The following CCDC82 variants were observed in gnomAD, a reference collection of about 807,000 sequenced individuals.
CCDC82 encodes coiled-coil domain-containing protein 82.
CCDC82 carries 47 observed loss-of-function variants against 60.6 expected under a neutral mutation model. The observed-to-expected ratio is 0.77, with a 90% CI of 0.61 to 0.99. The LOEUF is 0.99. CCDC82 is among the 50% of genes least tolerant of loss of function. CCDC82 has a pLI of 0.00. For missense variants in CCDC82, 588 were observed against 633.0 expected (o/e 0.93, Z 0.76); for synonymous variants, 212 against 207.4 (o/e 1.02, Z -0.19).
chr11:96,355,677 TG>T (rs908753544), intron 9 of CCDC82: 1 of 152,020 alleles, frequency 6.6e-6, no homozygotes, highest in African/African-American at 2.4e-5. Context: ...GAGATTTAAA[TG>T]GTGTGGCTAG....
At chr11:96,373,041 T>G (rs1452960832) in intron 6 of CCDC82, among the ~76,000 whole-genome samples, 1 of 152,130 alleles carries the variant, frequency 6.6e-6, no homozygotes, top group Non-Finnish European at 1.5e-5. Context: ...CATGGAACTT[T>G]TAATGAAATT....
intron 7 of CCDC82, among the ~76,000 whole-genome samples, chr11:96,366,368 G>C (rs1864948302): frequency 6.6e-6 from 1 of 152,162 alleles, no homozygotes; most frequent in African/African-American, 2.4e-5. Context: ...CTGTGTCTCA[G>C]TTTTTCAGCT....
Position 96,353,292 on chromosome 11 carries a change from C to A in CCDC82, c.*354G>T. 1 of 176,400 alleles carries A rather than the reference C, an allele frequency of 5.7e-6. No homozygotes were observed. The highest frequency in any genetic ancestry group is 1.4e-4 in the South Asian group (1 of 7,338). The allele number at this position is 176,400 out of a possible 1,614,324, so 10.9% of individuals were successfully genotyped here. A position where few individuals can be genotyped will look rare whatever the true frequency, so the allele number is the denominator to read the frequency against. On this transcript the variant is annotated 3_prime_UTR_variant, in exon 10 of 10. Transcript: ENST00000646818. ...TCTGGACAGGAATTCCGTAAAAATA[C>A]ATGTAGACGTTAGTCTAAATACATT...
intron 3 of CCDC82, chr11:96,385,042 A>T (rs758252973): frequency 2.2e-4 from 50 of 231,370 alleles, no homozygotes; most frequent in Non-Finnish European, 4.0e-4. Context: ...ATTATTATCT[A>T]TATGTAGAAC....
rs1199399726 is a variant in CCDC82, at chr11:96,384,461, T to C, written c.287A>G (p.Asp96Gly). 8 of 1,613,764 alleles carry C rather than the reference T, an allele frequency of 5.0e-6. No homozygotes were observed. The highest frequency in any genetic ancestry group is 1.7e-5 in the Admixed American group (1 of 59,980). The change falls in exon 4 of 10, where the codon GAC becomes GGC. Residue 96 changes from aspartate (D) to glycine (G), a missense_variant. By Grantham distance (94) the Asp-to-Gly change is moderately conservative. Transcript: ENST00000646818. Reference sequence around the variant, plus strand: ...GCCAGAGTTAATGAGACACTTACTGTCATTTCCTTCACTTTGAATTTTACT... The same window carrying C: ...GCCAGAGTTAATGAGACACTTACTGCCATTTCCTTCACTTTGAATTTTACT... ...NLSKIQSEGN[D>G]SKCLINSGNG...
At position 96,383,493 on chromosome 11, in the gene CCDC82, T is replaced by C. The variant is rs201134348; in HGVS notation, c.787-20A>G. 4 of 1,502,416 alleles carry C rather than the reference T, an allele frequency of 2.7e-6. No individual in the cohort carries two copies. Among genetic ancestry groups the C allele is most frequent in the Non-Finnish European group, 3.6e-6 (4 of 1,100,492 alleles). The allele number at this position is 1,502,416 out of a possible 1,614,324, so 93.1% of individuals were successfully genotyped here. On this transcript the variant is annotated intron_variant, in intron 4 of 9. Coordinates refer to ENST00000646818, the MANE Select transcript of CCDC82 (RefSeq NM_024725.4). The stretch of plus-strand genomic sequence containing the variant: ...AGAGTCCTAATTAAATTAAAATAAA[T>C]GCTTCAGTAAATGGTGCTATTAAAA...
At chr11:96,363,632 AT>A (rs765954533) in intron 8 of CCDC82, 4 of 152,188 alleles carry the variant, frequency 2.6e-5, no homozygotes, top group African/African-American at 4.8e-5. Context: ...ACTTATAGAC[AT>A]TGAGTATGTA....
In CCDC82 at chr11:96,359,192, T is replaced by C; in HGVS notation, c.1381-14A>G. ...AACAGTGAACACCTAAATCAAGAAA[T>C]AAAGATTGTTATCTGACAACGAATA... On this transcript the variant is annotated splice_polypyrimidine_tract_variant and intron_variant, in intron 8 of 9. Transcript: ENST00000646818. 6.5e-7 allele frequency: 1 copy of C among 1,545,656 alleles called. No homozygotes were observed. Among genetic ancestry groups the C allele is most frequent in the Non-Finnish European group, 8.7e-7 (1 of 1,155,616 alleles).
intron 5 of CCDC82, among the ~76,000 whole-genome samples, chr11:96,379,236 T>A (rs563018882): frequency 6.6e-6 from 1 of 152,046 alleles, no homozygotes; most frequent in East Asian, 1.9e-4. Context: ...CATAATTCCC[T>A]GGCAAATTGA....
rs566705056 is a variant in CCDC82, at chr11:96,361,228, A to G, written c.1381-2050T>C. On this transcript the variant is annotated intron_variant, in intron 8 of 9. Transcript: ENST00000646818. ...GTTCTACATGAAGTATAGGCATACG[A>G]TAAAGTGATTTGTATTTCTTTCACA... Among the ~76,000 whole-genome samples the G allele has an allele frequency of 2.0e-5, 3 of 152,338 alleles. No homozygotes were observed. In the East Asian group the frequency reaches 5.8e-4, roughly 29 times the overall value.
At chr11:96,358,901 A>C in intron 9 of CCDC82, 92 bp downstream of exon 9, 1 of 1,169,642 alleles carries the variant, frequency 8.5e-7, no homozygotes, top group Non-Finnish European at 1.2e-6. Flanking sequence ...GATTCTCTTA[A>C]ATTTCACTAT....
chr11:96,376,443 T>C (rs1865579627), intron 5 of CCDC82, among the ~76,000 whole-genome samples: 1 of 151,878 alleles, frequency 6.6e-6, no homozygotes, highest in African/African-American at 2.4e-5. Flanking sequence ...TTTTTTTTTT[T>C]TGAGCCGGAG....
chr11:96,386,513 G>T (rs1403873768), intron 2 of CCDC82: 1 of 152,014 alleles, frequency 6.6e-6, no homozygotes, highest in African/African-American at 2.4e-5. Flanking sequence ...GGAGTGCAGT[G>T]GCATGATCAT....
In CCDC82 at chr11:96,384,295, T is replaced by C; in HGVS notation, c.453A>G (p.Lys151=). ...TGQIIEDDQE[K]HLSQEDNDLN... is the part of the protein sequence containing the mutation. ...GATCATTATCCTCTTGACTTAAATG[T>C]TTTTCCTGATCATCCTCTATTATTT... The change falls in exon 4 of 10, where the codon AAA becomes AAG. Residue 151 remains lysine, a synonymous_variant. Transcript: ENST00000646818. 6.2e-7 allele frequency: 1 copy of C among 1,613,822 alleles called. No individual in the cohort carries two copies. The highest frequency in any genetic ancestry group is 8.5e-7 in the Non-Finnish European group (1 of 1,179,820).
intron 5 of CCDC82, among the ~76,000 whole-genome samples, chr11:96,373,813 G>A (rs535104533): frequency 2.4e-4 from 36 of 152,268 alleles, no homozygotes; most frequent in African/African-American, 8.4e-4. Flanking sequence ...GACAGAACAA[G>A]AGAGAAAACC....
rs774022541 is a variant in CCDC82 at position 96,384,088 on chromosome 11, T to C, written c.660A>G (p.Ser220=). ...PRRVVEDEGS[S]VEMEQKTPEK... ...CAGGAGTCTTTTGCTCCATTTCCAC[T>C]GAAGAACCTTCATCTTCAACCACTC... The change falls in exon 4 of 10, where the codon TCA becomes TCG. Residue 220 remains serine, a synonymous_variant. Transcript: ENST00000646818. 2.5e-6 allele frequency: 4 copies of C among 1,613,614 alleles called. No individual in the cohort carries two copies. In the African/African-American group the frequency reaches 4.0e-5, roughly 16 times the overall value.
In CCDC82 at chr11:96,353,563, A is replaced by T; in HGVS notation, c.*83T>A. ...CATGAAGATATAGATAAAATGTACA[A>T]ACATGTCACATGATACAGAAAAACA... On this transcript the variant is annotated 3_prime_UTR_variant, in exon 10 of 10. Coordinates refer to ENST00000646818, the MANE Select transcript of CCDC82 (RefSeq NM_024725.4). 1 of 1,056,168 alleles carries T rather than the reference A, an allele frequency of 9.5e-7. No homozygotes were observed. The highest frequency in any genetic ancestry group is 1.5e-6 in the Non-Finnish European group (1 of 689,252). 65.4% of individuals were successfully genotyped at this position (1,056,168 alleles called of 1,614,324 possible).
At chr11:96,357,927 G>T (rs915680831) in intron 9 of CCDC82, 14 of 985,270 alleles carry the variant, frequency 1.4e-5, no homozygotes, top group Non-Finnish European at 1.7e-5. Flanking sequence ...AAGACTTAAG[G>T]ATCAAGATGT....
chr11:96,357,098 G>A, intron 9 of CCDC82: 1 of 985,430 alleles, frequency 1.0e-6, no homozygotes, highest in East Asian at 1.1e-4. Flanking sequence ...AGTACATGCA[G>A]TGCTATCACT....
Sources: allele counts gnomAD v4.1 joint callset (sites outside exome capture counted in the v4.1 genomes callset), GRCh38; gene constraint gnomAD v4.1.1; transcripts MANE v1.5; gene names NCBI Gene and HGNC (gene_info 2026-07-23, HGNC 2026-07-21).